The following STON2 variants were observed in gnomAD, a reference collection of about 807,000 sequenced individuals.
The protein encoded by STON2 is stonin 2.
In STON2, 29 loss-of-function variants were observed where a neutral mutation model predicts 65.7. That is an observed-to-expected ratio of 0.44 (90% CI 0.33 to 0.60). The LOEUF is 0.60. Ranked by LOEUF, STON2 falls within the 20% of genes least tolerant of loss-of-function variation. The pLI, the probability that STON2 is intolerant of heterozygous loss-of-function variation, is 0.03. For synonymous variants in STON2, 404 were observed against 414.2 expected, an observed-to-expected ratio of 0.98 and a Z score of 0.30; for missense variants, 1,054 against 1,118.1, an observed-to-expected ratio of 0.94 and a Z score of 0.82.
chr14:81,332,120 T>C (rs1205442860), intron 4 of STON2, among the ~76,000 whole-genome samples: 1 of 152,132 alleles, frequency 6.6e-6, no homozygotes, highest in Admixed American at 6.5e-5. Flanking sequence ...CTCAGCATCA[T>C]GGCTGGGGAG....
At chr14:81,396,381 T>C (rs989464502) in intron 2 of STON2, among the ~76,000 whole-genome samples, 2 of 152,212 alleles carry the variant, frequency 1.3e-5, no homozygotes, top group Non-Finnish European at 2.9e-5. Context: ...AAGCTCAGCA[T>C]GTCTCCAGTC....
chr14:81,402,795 T>A (rs1054928417), upstream of STON2, among the ~76,000 whole-genome samples: 6 of 152,182 alleles, frequency 3.9e-5, no homozygotes, highest in Non-Finnish European at 4.4e-5. Flanking sequence ...CTCCCTGCCT[T>A]CAGTATCACC....
intron 5 of STON2, among the ~76,000 whole-genome samples, chr14:81,304,073 T>G (rs537394160): frequency 6.6e-6 from 1 of 152,336 alleles, no homozygotes; most frequent in South Asian, 2.1e-4. Context: ...CCTCTGATTT[T>G]CTTATCGGCA....
intron 4 of STON2, among the ~76,000 whole-genome samples, chr14:81,360,236 T>C (rs765778739): frequency 3.3e-5 from 5 of 152,096 alleles, no homozygotes; most frequent in Non-Finnish European, 7.4e-5. Context: ...AAAAGGAAAC[T>C]ACAGGAAAGG....
intron 5 of STON2, among the ~76,000 whole-genome samples, chr14:81,289,468 G>A (rs771227901): frequency 7.2e-5 from 11 of 152,168 alleles, no homozygotes; most frequent in Non-Finnish European, 1.3e-4. Flanking sequence ...AAGGTCGGAA[G>A]GTTCTGCAGA....
chr14:81,305,362 C>G (rs1337029839), intron 5 of STON2, among the ~76,000 whole-genome samples: 5 of 152,182 alleles, frequency 3.3e-5, no homozygotes, highest in Non-Finnish European at 7.3e-5. Flanking sequence ...TACATTTTTA[C>G]CAACACTGGA....
chr14:81,326,556 T>C (rs1011189815), intron 4 of STON2, among the ~76,000 whole-genome samples: 1 of 152,198 alleles, frequency 6.6e-6, no homozygotes. Flanking sequence ...CAACATACTC[T>C]ACGGTGTACA....
rs1451407824 is a variant in STON2 at position 81,266,923 on chromosome 14, C to T, written c.*1491G>A. ...GGTTTCTCATTAATGCCTATTCAAT[C>T]ATCATTTTACTTTCAGTCTTAGTTC... is the stretch of plus-strand genomic sequence containing the variant. On this transcript the variant is annotated 3_prime_UTR_variant, in exon 8 of 8. Transcript: ENST00000614646. 2.2e-5 allele frequency: 22 copies of T among 984,060 alleles called. No homozygotes were observed. Among genetic ancestry groups the T allele is most frequent in the Non-Finnish European group, 2.4e-5 (20 of 828,808 alleles). 61.0% of individuals were successfully genotyped at this position (984,060 alleles called of 1,614,324 possible). A position where few individuals can be genotyped will look rare whatever the true frequency, so the allele number is the denominator to read the frequency against.
At position 81,276,936 on chromosome 14, in the gene STON2, A is replaced by C. The variant is rs1371600045; in HGVS notation, c.2546T>G (p.Val849Gly). 6.2e-7 allele frequency: 1 copy of C among 1,613,938 alleles called. No individual in the cohort carries two copies. Among genetic ancestry groups the C allele is most frequent in the African/African-American group, 1.3e-5 (1 of 74,906 alleles). ...AKYEHAFNSI[V>G]WRINRLPDKN... ...GTCCGGCAGTCGGTTTATCCTCCAC[A>C]CAATGGAGTTGAAGGCATGCTCGTA... Residue 849 changes from valine to glycine, a missense_variant, in exon 6 of 8, where the codon GTG becomes GGG. Physicochemically the swap from Val to Gly is moderately radical, Grantham distance 109. Coordinates refer to ENST00000614646, the MANE Select transcript of STON2 (RefSeq NM_001394390.1).
chr14:81,402,097 T>C (rs1900637319), upstream of STON2, among the ~76,000 whole-genome samples: 1 of 152,058 alleles, frequency 6.6e-6, no homozygotes, highest in Admixed American at 6.6e-5. Flanking sequence ...AGTGAAGGGA[T>C]TGATTGACCA....
chr14:81,405,354 T>C (rs2139839421), intron 2 of STON2, among the ~76,000 whole-genome samples: 1 of 152,206 alleles, frequency 6.6e-6, no homozygotes, highest in South Asian at 2.1e-4. Context: ...TATTCACTCA[T>C]TGTGACAATA....
intron 5 of STON2, among the ~76,000 whole-genome samples, chr14:81,279,020 C>A (rs1410731116): frequency 6.6e-6 from 1 of 152,126 alleles, no homozygotes; most frequent in Non-Finnish European, 1.5e-5. Flanking sequence ...TTTATATACT[C>A]TTCCTTATTT....
intron 4 of STON2, among the ~76,000 whole-genome samples, chr14:81,364,592 TTGTATA>T (rs1244071476): frequency 3.9e-5 from 6 of 152,136 alleles, no homozygotes; most frequent in South Asian, 2.1e-4. Flanking sequence ...AAAGCTACAT[TTGTATA>T]TGTATGTGTG....
At chr14:81,320,900 A>T (rs979217868) in intron 5 of STON2, among the ~76,000 whole-genome samples, 1 of 152,164 alleles carries the variant, frequency 6.6e-6, no homozygotes, top group Admixed American at 6.5e-5. Context: ...GATAACACAC[A>T]AGACCAGCAA....
At chr14:81,395,233 C>T (rs577144110) in intron 3 of STON2, 1 of 152,254 alleles carries the variant, frequency 6.6e-6, no homozygotes, top group Admixed American at 6.5e-5. Context: ...CACACTTTAA[C>T]ACACATTCAT....
At chr14:81,352,662 T>C (rs1385464868) in intron 4 of STON2, among the ~76,000 whole-genome samples, 2 of 152,200 alleles carry the variant, frequency 1.3e-5, no homozygotes. Flanking sequence ...GACTCTGGCA[T>C]TGGTGTCCTC....
At position 81,263,871 on chromosome 14, in the gene STON2, C is replaced by T; in HGVS notation, c.*4543G>A. The T allele has an allele frequency of 1.0e-6, 1 of 985,446 alleles. No homozygotes were observed. The highest frequency in any genetic ancestry group is 1.2e-6 in the Non-Finnish European group (1 of 829,942). 61.0% of individuals were successfully genotyped at this position (985,446 alleles called of 1,614,324 possible). ...TTCAGCTCATTCTGTTTTCCCACCACTAAACTTATGGTGAAATATATATCA... is the reference window on the plus strand; with the variant it reads ...TTCAGCTCATTCTGTTTTCCCACCATTAAACTTATGGTGAAATATATATCA... On this transcript the variant is annotated 3_prime_UTR_variant, in exon 8 of 8. Transcript: ENST00000614646.
At chr14:81,366,031 G>C (rs1054343209) in intron 4 of STON2, among the ~76,000 whole-genome samples, 6 of 152,200 alleles carry the variant, frequency 3.9e-5, no homozygotes, top group Non-Finnish European at 5.9e-5. Context: ...TAAGAGAGGA[G>C]TGAAATGTTG....
chr14:81,356,269 G>C (rs1274961109), intron 4 of STON2, among the ~76,000 whole-genome samples: 3 of 152,250 alleles, frequency 2.0e-5, no homozygotes, highest in African/African-American at 7.2e-5. Flanking sequence ...AGATAATCAT[G>C]TGGTTTTTGT....
Sources: allele counts gnomAD v4.1 joint callset (sites outside exome capture counted in the v4.1 genomes callset), GRCh38; gene constraint gnomAD v4.1.1; transcripts MANE v1.5; gene names NCBI Gene and HGNC (gene_info 2026-07-23, HGNC 2026-07-21).